The following TNKS variants were observed in gnomAD, a reference collection of about 807,000 sequenced individuals.
The protein encoded by TNKS is tankyrase, also known as poly [ADP-ribose] polymerase tankyrase-1.
TNKS carries 72 observed loss-of-function variants against 135.8 expected under a neutral mutation model. The ratio of observed to expected loss-of-function variants is 0.53; its 90% CI spans 0.44 to 0.64. TNKS has a LOEUF of 0.64. Among genes scored for constraint, TNKS ranks in the 30% least tolerant of loss-of-function variants. The probability of loss-of-function intolerance (pLI) is 0.00; values close to 1 mark genes in which losing one functional copy is unlikely to be tolerated. For synonymous variants in TNKS, 849 were observed against 649.3 expected (o/e 1.31, Z -4.68); for missense variants, 1,769 against 1,674.0 (o/e 1.06, Z -0.99).
chr8:9,717,907 G>C (rs573423155), intron 11 of TNKS, among the ~76,000 whole-genome samples: 9 of 152,156 alleles, frequency 5.9e-5, no homozygotes, highest in Admixed American at 1.3e-4. Flanking sequence ...ATTTCAGCTA[G>C]GAATGTTCAG....
intron 2 of TNKS, among the ~76,000 whole-genome samples, chr8:9,590,547 C>G (rs1430350246): frequency 6.6e-6 from 1 of 152,196 alleles, no homozygotes; most frequent in Non-Finnish European, 1.5e-5. Flanking sequence ...ACACAGGAAC[C>G]TACTCTGCCT....
intron 21 of TNKS, among the ~76,000 whole-genome samples, chr8:9,762,465 A>G (rs1398554737): frequency 2.0e-5 from 3 of 151,856 alleles, no homozygotes; most frequent in African/African-American, 7.3e-5. Flanking sequence ...TAATTTTTAT[A>G]TTTTAGATCT....
At chr8:9,695,959 G>A (rs1803493008) in intron 5 of TNKS, among the ~76,000 whole-genome samples, 1 of 152,168 alleles carries the variant, frequency 6.6e-6, no homozygotes, top group Non-Finnish European at 1.5e-5. Context: ...ATTTTAGACA[G>A]GAGAAAAGCA....
chr8:9,703,139 T>A (rs1803893719), intron 5 of TNKS, among the ~76,000 whole-genome samples: 1 of 152,198 alleles, frequency 6.6e-6, no homozygotes, highest in South Asian at 2.1e-4. Context: ...AAGCCTCGGA[T>A]AGTACCAAAC....
intron 17 of TNKS, 81 bp downstream of exon 17, chr8:9,735,567 G>C: frequency 2.8e-6 from 3 of 1,084,746 alleles, no homozygotes; most frequent in Admixed American, 3.5e-5. Context: ...TTAGGAGGCC[G>C]AGGAAGGTAG....
intron 2 of TNKS, among the ~76,000 whole-genome samples, chr8:9,593,747 T>A (rs1798671710): frequency 6.6e-6 from 1 of 152,204 alleles, no homozygotes; most frequent in African/African-American, 2.4e-5. Flanking sequence ...CTTCCATGGT[T>A]ACTTGTCCTT....
chr8:9,781,119 C>G lies in TNKS; in HGVS notation c.*4383C>G, dbSNP rs565687272. 1 of 152,330 alleles carries G rather than the reference C, an allele frequency of 6.6e-6. No homozygotes were observed. Among genetic ancestry groups the G allele is most frequent in the East Asian group, 1.9e-4 (1 of 5,182 alleles). 9.4% of individuals were successfully genotyped at this position (152,330 alleles called of 1,614,324 possible). On this transcript the variant is annotated 3_prime_UTR_variant, in exon 27 of 27. Transcript: ENST00000310430. ...GTAGTATGACGAGTTTTATACATTGCCAGAGAGTTCTGCCTCCTCTGAAAT... is the reference window on the plus strand; with the variant it reads ...GTAGTATGACGAGTTTTATACATTGGCAGAGAGTTCTGCCTCCTCTGAAAT...
At chr8:9,636,165 G>C (rs1040974046) in intron 3 of TNKS, among the ~76,000 whole-genome samples, 2 of 152,192 alleles carry the variant, frequency 1.3e-5, no homozygotes, top group Admixed American at 6.5e-5. Flanking sequence ...AAACATAAGC[G>C]AGAGGATATA....
chr8:9,618,455 T>C (rs913435781), intron 3 of TNKS, among the ~76,000 whole-genome samples: 1 of 152,218 alleles, frequency 6.6e-6, no homozygotes, highest in Non-Finnish European at 1.5e-5. Context: ...TGCTGAATTA[T>C]TGTGTAAGTG....
At chr8:9,697,761 CTGT>C (rs1803586568) in intron 5 of TNKS, among the ~76,000 whole-genome samples, 1 of 152,118 alleles carries the variant, frequency 6.6e-6, no homozygotes, top group South Asian at 2.1e-4. Context: ...CTCAGAATGG[CTGT>C]TATTAAAAAG....
intron 1 of TNKS, among the ~76,000 whole-genome samples, chr8:9,569,225 C>G (rs754281698): frequency 6.6e-6 from 1 of 152,192 alleles, no homozygotes; most frequent in Non-Finnish European, 1.5e-5. Flanking sequence ...TCATCACTCC[C>G]TGGACGACAT....
chr8:9,589,515 C>T (rs953055881), intron 2 of TNKS, among the ~76,000 whole-genome samples: 1 of 152,246 alleles, frequency 6.6e-6, no homozygotes, highest in Non-Finnish European at 1.5e-5. Flanking sequence ...CTTAAAGTTG[C>T]TGTGAGGTCT....
chr8:9,770,087 T>C lies in TNKS; in HGVS notation c.3741-19T>C. Reference sequence around the variant, plus strand: ...ATTTAAAGCTTCCTTCAAAGCATTGTTTTTTTCTTTTTCCTTAGACAAATG... The same window carrying C: ...ATTTAAAGCTTCCTTCAAAGCATTGCTTTTTTCTTTTTCCTTAGACAAATG... On this transcript the variant is annotated intron_variant, in intron 25 of 26. Coordinates refer to ENST00000310430, the MANE Select transcript of TNKS (RefSeq NM_003747.3). 5 of 1,581,646 alleles carry C rather than the reference T, an allele frequency of 3.2e-6. No homozygotes were observed. The highest frequency in any genetic ancestry group is 4.3e-6 in the Non-Finnish European group (5 of 1,161,192).
In TNKS at chr8:9,728,861, A is replaced by G. The variant is rs559322956; in HGVS notation, c.2002-2029A>G. 1.2e-3 allele frequency among the ~76,000 whole-genome samples: 189 copies of G among 152,276 alleles called. 1 individual carries two copies. Among genetic ancestry groups the G allele is most frequent in the Non-Finnish European group, 1.9e-3 (131 of 68,022 alleles). ...GCCCAGACTCCTTCCTGTCATGTGA[A>G]AATTACACCACTTAAAAAGCGCTTG... On this transcript the variant is annotated intron_variant, in intron 13 of 26. Transcript: ENST00000310430.
chr8:9,593,939 T>G (rs1798679667), intron 2 of TNKS, among the ~76,000 whole-genome samples: 1 of 152,160 alleles, frequency 6.6e-6, no homozygotes, highest in East Asian at 1.9e-4. Context: ...CAGGCTGGAG[T>G]GCAATGGCAC....
intron 12 of TNKS, among the ~76,000 whole-genome samples, chr8:9,723,473 T>G (rs1805008165): frequency 6.6e-6 from 1 of 152,230 alleles, no homozygotes; most frequent in Non-Finnish European, 1.5e-5. Context: ...AGTCTGTAGT[T>G]GCCAGAAGTT....
intron 12 of TNKS, among the ~76,000 whole-genome samples, chr8:9,722,196 C>T (rs1356867227): frequency 1.3e-5 from 2 of 151,654 alleles, no homozygotes; most frequent in African/African-American, 4.8e-5. Context: ...AAAACATGAC[C>T]CCACAGATTT....
chr8:9,658,644 A>G (rs1437469362), intron 3 of TNKS, among the ~76,000 whole-genome samples: 1 of 152,266 alleles, frequency 6.6e-6, no homozygotes, highest in Non-Finnish European at 1.5e-5. Flanking sequence ...CAAATTGTAA[A>G]GACCTTCAAG....
chr8:9,642,237 A>T lies in TNKS; in HGVS notation c.994+26560A>T, dbSNP rs571273355. On this transcript the variant is annotated intron_variant, in intron 3 of 26. Transcript: ENST00000310430. ...TCTATCAATTAAACCACATTTACTC[A>T]AAATGAATGTGTCGTTTCTTTTGCT... Among the ~76,000 whole-genome samples the T allele has an allele frequency of 1.4e-5, 2 of 146,638 alleles. 1 individual carries two copies. The highest frequency in any genetic ancestry group is 4.4e-4 in the South Asian group (2 of 4,578).
Sources: gnomAD v4.1 joint callset for allele counts (sites outside exome capture counted in the v4.1 genomes callset) on GRCh38, gnomAD v4.1.1 for gene constraint, MANE v1.5 for transcripts, NCBI Gene and HGNC (gene_info 2026-07-23, HGNC 2026-07-21) for gene names.